The following RNF17 variants were observed in gnomAD, a reference collection of about 807,000 sequenced individuals.
RNF17 encodes the protein ring finger protein 17.
Under a neutral mutation model 200.5 loss-of-function variants are expected in RNF17, and 31 were observed. The ratio of observed to expected loss-of-function variants is 0.15; its 90% CI spans 0.12 to 0.21. The LOEUF (loss-of-function observed/expected upper bound fraction) is 0.21, where lower values mean the gene tolerates loss of function less well. RNF17 is among the 10% of genes least tolerant of loss of function. The pLI is 1.00. For missense variants in RNF17, 1,628 were observed against 1,905.1 expected (o/e 0.85, Z 2.71); for synonymous variants, 606 against 637.8 (o/e 0.95, Z 0.75).
chr13:24,874,285 C>T (rs773398792), intron 33 of RNF17, 36 bp downstream of exon 33: 1 of 1,490,556 alleles, frequency 6.7e-7, no homozygotes, highest in African/African-American at 1.4e-5. Flanking sequence ...AATTAGATTT[C>T]TTTTTTTTTA....
chr13:24,804,236 C>T, intron 14 of RNF17, 52 bp from the exon 15 acceptor site: 1 of 1,562,050 alleles, frequency 6.4e-7, no homozygotes, highest in Non-Finnish European at 8.7e-7. Context: ...GCACTCCAGC[C>T]TGGGTGACAG....
intron 26 of RNF17, among the ~76,000 whole-genome samples, chr13:24,859,619 A>G (rs1167815616): frequency 1.3e-5 from 2 of 151,932 alleles, no homozygotes; most frequent in Non-Finnish European, 2.9e-5. Flanking sequence ...ATATATATAT[A>G]TAAAATATAG....
chr13:24,885,211 G>T, the RNF17 span: 1 of 1,103,632 alleles, frequency 9.1e-7, no homozygotes, highest in Non-Finnish European at 1.4e-6. Context: ...GATTCTATGT[G>T]TTTCAACTAT....
intron 3 of RNF17, 98 bp downstream of exon 3, chr13:24,775,002 C>T: frequency 3.9e-6 from 3 of 764,992 alleles, no homozygotes; most frequent in Non-Finnish European, 6.4e-6. Flanking sequence ...GTCTGCATTT[C>T]TAACCTACTG....
At chr13:24,779,308 CT>C (rs898084453) in intron 4 of RNF17, among the ~76,000 whole-genome samples, 11 of 151,962 alleles carry the variant, frequency 7.2e-5, no homozygotes, top group Admixed American at 3.3e-4. Flanking sequence ...AAATTATAAT[CT>C]TTTTTTCCTT....
chr13:24,842,174 G>T lies in RNF17; in HGVS notation c.2603+13G>T, dbSNP rs1365880331. ...CTTATGAAATAGGGTAAGTAGATAT[G>T]TAAACTTTCATTGTTAGTTCATGTT... On this transcript the variant is annotated intron_variant, in intron 19 of 35. Coordinates refer to ENST00000255324, the MANE Select transcript of RNF17 (RefSeq NM_031277.3). The T allele has an allele frequency of 1.3e-6, 2 of 1,577,012 alleles. 1 individual carries two copies. The highest frequency in any genetic ancestry group is 2.4e-5 in the South Asian group (2 of 84,880).
chr13:24,828,879 G>T (rs2081929639), intron 16 of RNF17, among the ~76,000 whole-genome samples: 2 of 151,690 alleles, frequency 1.3e-5, no homozygotes, highest in Non-Finnish European at 2.9e-5. Context: ...CATGATCATG[G>T]TTCACTGCGA....
chr13:24,854,118 C>T lies in RNF17; in HGVS notation c.3584C>T (p.Thr1195Ile). Residue 1195 changes from threonine (T) to isoleucine (I), a missense_variant, in exon 25 of 36, where the codon ACT (threonine) becomes ATT (isoleucine). Around this residue, in one of 5 missense-constraint regions of RNF17, gnomAD observed 609 missense variants for 681.9 expected, o/e 0.89. Coordinates refer to ENST00000255324, the MANE Select transcript of RNF17 (RefSeq NM_031277.3). ...GTCAGCTGTGTTGGTGATGATGGAACTATATTTGTAGTACCTAAACTATCA... is the reference window on the plus strand; with the variant it reads ...GTCAGCTGTGTTGGTGATGATGGAATTATATTTGTAGTACCTAAACTATCA... ...ATVSCVGDDGTIFVVPKLSEF... is the reference protein window; with the variant it reads ...ATVSCVGDDGIIFVVPKLSEF... 6.2e-7 allele frequency: 1 copy of T among 1,613,470 alleles called. No homozygotes were observed. The highest frequency in any genetic ancestry group is 8.5e-7 in the Non-Finnish European group (1 of 1,179,602).
Position 24,793,069 on chromosome 13 carries a change from A to G in RNF17, c.963A>G (p.Arg321=). 6.3e-7 allele frequency: 1 copy of G among 1,585,470 alleles called. No homozygotes were observed. Among genetic ancestry groups the G allele is most frequent in the Non-Finnish European group, 8.6e-7 (1 of 1,165,840 alleles). Residue 321 remains arginine, a synonymous_variant, in exon 10 of 36, where the codon AGA becomes AGG. Coordinates refer to ENST00000255324, the MANE Select transcript of RNF17 (RefSeq NM_031277.3). ...TKCYPQENEI[R]QNVQKKYNNK... is the part of the protein sequence containing the mutation. ...GTTATCCCCAAGAAAATGAAATTAG[A>G]CAGAATGTTCAAAAGAAATATAATA...
the RNF17 span, chr13:24,750,824 G>A: frequency 6.6e-6 from 1 of 151,292 alleles, no homozygotes; most frequent in African/African-American, 2.4e-5. Flanking sequence ...ATTACTATTT[G>A]TTCATTATCC....
downstream of RNF17, chr13:24,882,233 G>GATAGATATATAGATACATCTAT (rs1953883534): frequency 4.0e-5 from 2 of 50,410 alleles, no homozygotes; most frequent in South Asian, 5.1e-4. Flanking sequence ...CATCTATATA[G>GATAGATATATAGATACATCTAT]ATAGATATAT....
intron 10 of RNF17, chr13:24,794,308 TAC>T: frequency 2.3e-6 from 1 of 429,116 alleles, no homozygotes; most frequent in South Asian, 1.7e-5. Flanking sequence ...AAGTAGCTCT[TAC>T]CTAGTGTGAG....
chr13:24,884,400 C>A (rs769932667), downstream of RNF17: 3 of 1,614,020 alleles, frequency 1.9e-6, no homozygotes, highest in Admixed American at 5.0e-5. Flanking sequence ...TCTGCACTCA[C>A]TTCCTTTCGA....
intron 15 of RNF17, chr13:24,824,181 T>G: frequency 1.4e-6 from 1 of 711,978 alleles, no homozygotes; most frequent in Non-Finnish European, 2.6e-6. Context: ...CTGTAAACTT[T>G]GGATTGCTTT....
At chr13:24,859,951 A>G (rs980087955) in intron 26 of RNF17, among the ~76,000 whole-genome samples, 4 of 152,060 alleles carry the variant, frequency 2.6e-5, no homozygotes, top group African/African-American at 9.7e-5. Context: ...GTGACCTGCC[A>G]GGGTCACTGG....
chr13:24,874,372 A>G (rs889268792), intron 33 of RNF17, 123 bp downstream of exon 33: 3 of 757,882 alleles, frequency 4.0e-6, no homozygotes, highest in Admixed American at 8.0e-5. Context: ...TAAATTAGGA[A>G]TTTTTTTCGT....
the RNF17 span, chr13:24,750,891 T>C: frequency 3.3e-5 from 5 of 152,264 alleles, no homozygotes; most frequent in Non-Finnish European, 1.5e-5. Context: ...CATGTTGTAG[T>C]TGAGATATCC....
rs374878267 is a variant in RNF17, at chr13:24,778,286, A to T, written c.318-9A>T. 1.3e-6 allele frequency: 2 copies of T among 1,540,326 alleles called. No homozygotes were observed. Among genetic ancestry groups the T allele is most frequent in the Admixed American group, 3.4e-5 (2 of 58,914 alleles). The stretch of plus-strand genomic sequence containing the variant: ...CAAAAAATAAAATAATATACTTGAT[A>T]CTTTTCAGGATAAAGAATTGTTCTC... On this transcript the variant is annotated splice_polypyrimidine_tract_variant and intron_variant, in intron 3 of 35. Coordinates refer to ENST00000255324, the MANE Select transcript of RNF17 (RefSeq NM_031277.3).
intron 18 of RNF17, among the ~76,000 whole-genome samples, chr13:24,839,604 C>T (rs115822250): frequency 0.015 from 2,334 of 152,160 alleles, 60 homozygotes; most frequent in East Asian, 0.081. Flanking sequence ...TGATCTTTGA[C>T]AAGGCAAACA....
Sources: gnomAD v4.1 joint callset for allele counts (sites outside exome capture counted in the v4.1 genomes callset) on GRCh38, gnomAD v4.1.1 for gene constraint, gnomAD v4.1.1 regional missense constraint, MANE v1.5 for transcripts, NCBI Gene and HGNC (gene_info 2026-07-23, HGNC 2026-07-21) for gene names.